DAB1: variants seen among roughly 807,000 people sequenced by gnomAD.
DAB1 encodes disabled homolog 1.
Under a neutral mutation model 64.6 loss-of-function variants are expected in DAB1, and 15 were observed. That is an observed-to-expected ratio of 0.23 (90% CI 0.16 to 0.36). The LOEUF is 0.36. DAB1 is among the 10% of genes least tolerant of loss of function. The pLI is 1.00. For missense variants in DAB1, 596 were observed against 706.7 expected, an observed-to-expected ratio of 0.84 and a Z score of 1.78; for synonymous variants, 235 against 251.9, an observed-to-expected ratio of 0.93 and a Z score of 0.64.
chr1:57,328,743 C>T (rs1676394855), intron 1 of DAB1, among the ~76,000 whole-genome samples: 1 of 152,144 alleles, frequency 6.6e-6, no homozygotes, highest in African/African-American at 2.4e-5. Flanking sequence ...CAGCTGATAG[C>T]CAAGACAGAA....
At chr1:58,036,748 G>T (rs954101725) in intron 5 of DAB1, among the ~76,000 whole-genome samples, 1 of 152,146 alleles carries the variant, frequency 6.6e-6, no homozygotes, top group Non-Finnish European at 1.5e-5. Context: ...GGAGAGGTAG[G>T]TAGAGGCCAG....
intron 7 of DAB1, among the ~76,000 whole-genome samples, chr1:57,623,470 C>T (rs1426302072): frequency 6.6e-6 from 1 of 152,124 alleles, no homozygotes; most frequent in African/African-American, 2.4e-5. Context: ...AACATGAGCA[C>T]TGTGTGGAGC....
intron 4 of DAB1, among the ~76,000 whole-genome samples, chr1:58,283,482 C>A (rs572227528): frequency 1.3e-5 from 2 of 152,204 alleles, no homozygotes; most frequent in South Asian, 4.2e-4. Flanking sequence ...CACCCAGAGA[C>A]AAGACTTTCG....
At chr1:57,001,372 C>T (rs934752266) in intron 14 of DAB1, among the ~76,000 whole-genome samples, 1 of 152,164 alleles carries the variant, frequency 6.6e-6, no homozygotes, top group African/African-American at 2.4e-5. Context: ...TCCCCATCAC[C>T]CACAGGGTAG....
chr1:57,628,621 C>G (rs1440648591), intron 7 of DAB1, among the ~76,000 whole-genome samples: 1 of 147,026 alleles, frequency 6.8e-6, no homozygotes, highest in Non-Finnish European at 1.5e-5. Context: ...TATCTAACCT[C>G]TTTGGTCATA....
At chr1:57,483,816 T>C (rs187888239) in intron 7 of DAB1, among the ~76,000 whole-genome samples, 59 of 152,244 alleles carry the variant, frequency 3.9e-4, no homozygotes, top group African/African-American at 1.4e-3. Flanking sequence ...GGGTTGCAAG[T>C]GTCTTAGGAA....
intron 3 of DAB1, among the ~76,000 whole-genome samples, chr1:58,455,479 A>G (rs1645185181): frequency 6.6e-6 from 1 of 152,246 alleles, no homozygotes; most frequent in African/African-American, 2.4e-5. Context: ...GGAACTTGGC[A>G]GAATTGGAAA....
At chr1:57,110,223 A>C (rs890889150) in intron 4 of DAB1, among the ~76,000 whole-genome samples, 6 of 152,204 alleles carry the variant, frequency 3.9e-5, no homozygotes, top group Admixed American at 2.0e-4. Flanking sequence ...ACAAACAAAA[A>C]CTAGGCCACA....
intron 1 of DAB1, among the ~76,000 whole-genome samples, chr1:57,335,445 A>G (rs1220778455): frequency 1.3e-5 from 2 of 152,232 alleles, no homozygotes; most frequent in Admixed American, 6.5e-5. Context: ...ATTGCATTTC[A>G]AGAACAATTC....
At chr1:57,899,943 T>C (rs565799183) in intron 5 of DAB1, among the ~76,000 whole-genome samples, 1 of 151,636 alleles carries the variant, frequency 6.6e-6, no homozygotes. Context: ...TTTTCTTTTT[T>C]TTTTTTATTT....
chr1:57,951,114 A>C (rs1253656851), intron 5 of DAB1, among the ~76,000 whole-genome samples: 1 of 151,816 alleles, frequency 6.6e-6, no homozygotes, highest in South Asian at 2.1e-4. Context: ...AATTTATTAG[A>C]CCCTGGCACA....
chr1:58,194,575 A>G (rs1285930253), intron 4 of DAB1, among the ~76,000 whole-genome samples: 4 of 152,244 alleles, frequency 2.6e-5, no homozygotes, highest in East Asian at 3.8e-4. Flanking sequence ...ATATTTCTCA[A>G]TAAGTCGAAA....
chr1:57,647,647 C>G (rs150459528), intron 7 of DAB1, among the ~76,000 whole-genome samples: 1 of 152,186 alleles, frequency 6.6e-6, no homozygotes, highest in Non-Finnish European at 1.5e-5. Flanking sequence ...AGGATGAATA[C>G]TTTTAAAACA....
At chr1:58,507,250 C>T (rs1333269488) in intron 2 of DAB1, among the ~76,000 whole-genome samples, 1 of 151,446 alleles carries the variant, frequency 6.6e-6, no homozygotes, top group Non-Finnish European at 1.5e-5. Flanking sequence ...TTATATTTCC[C>T]AATGATTTTA....
intron 1 of DAB1, among the ~76,000 whole-genome samples, chr1:57,375,772 G>A (rs887931513): frequency 1.3e-5 from 2 of 152,172 alleles, no homozygotes; most frequent in African/African-American, 4.8e-5. Flanking sequence ...TTGGATGTAA[G>A]AGCAAGTATT....
rs577909969 is a variant in DAB1 at position 58,070,078 on chromosome 1, C to G, written n.387+80433G>C. ...ATACTAGGCCAGGCACTTGGGGACC[C>G]AACCATCAGGGAGCTGACACAATTT... On this transcript the variant is annotated intron_variant and non_coding_transcript_variant, in intron 5 of 20. Transcript: ENST00000485760. Among the ~76,000 whole-genome samples the G allele has an allele frequency of 5.9e-5, 9 of 152,288 alleles. No individual in the cohort carries two copies. The South Asian group carries it at 1.7e-3, about 28-fold the overall frequency.
intron 5 of DAB1, among the ~76,000 whole-genome samples, chr1:57,963,552 A>G (rs1056211791): frequency 2.0e-5 from 3 of 152,204 alleles, no homozygotes; most frequent in African/African-American, 7.2e-5. Flanking sequence ...ACTTAGTAGG[A>G]GCACAAGAAT....
intron 5 of DAB1, among the ~76,000 whole-genome samples, chr1:58,071,363 G>GGTGT (rs548977353): frequency 0.044 from 5,992 of 135,692 alleles, 163 homozygotes; most frequent in African/African-American, 0.077. Context: ...AAAGGAGAAT[G>GGTGT]GTGTGTGTGT....
intron 1 of DAB1, among the ~76,000 whole-genome samples, chr1:57,402,573 T>C (rs1361608426): frequency 6.6e-6 from 1 of 152,210 alleles, no homozygotes; most frequent in Non-Finnish European, 1.5e-5. Context: ...ATCTGGAGTC[T>C]GATATGCAAA....
Sources: allele counts gnomAD v4.1 joint callset (sites outside exome capture counted in the v4.1 genomes callset), GRCh38; gene constraint gnomAD v4.1.1; transcripts MANE v1.5; gene names NCBI Gene and HGNC (gene_info 2026-07-23, HGNC 2026-07-21).